The following STK32C variants were observed in gnomAD, a reference collection of about 807,000 sequenced individuals.
STK32C encodes the protein serine/threonine kinase 32C.
Under a neutral mutation model 56.5 loss-of-function variants are expected in STK32C, and 31 were observed. The ratio of observed to expected loss-of-function variants is 0.55; its 90% confidence interval spans 0.41 to 0.74. The LOEUF (loss-of-function observed/expected upper bound fraction) is 0.74. Ranked by LOEUF, STK32C falls within the 30% of genes least tolerant of loss-of-function variation. The pLI, the probability that STK32C is intolerant of heterozygous loss-of-function variation, is 0.00. For missense variants in STK32C, 544 were observed against 676.9 expected, an observed-to-expected ratio of 0.80 and a Z score of 2.18; for synonymous variants, 309 against 289.4, an observed-to-expected ratio of 1.07 and a Z score of -0.69.
intron 10 of STK32C, among the ~76,000 whole-genome samples, chr10:132,221,600 A>T (rs2062655935): frequency 1.4e-5 from 2 of 139,176 alleles, no homozygotes; most frequent in South Asian, 4.6e-4. Flanking sequence ...CACCTGGGTG[A>T]GTGTGAGGGC....
chr10:132,234,715 G>A (rs2063214840), intron 2 of STK32C, among the ~76,000 whole-genome samples: 1 of 152,222 alleles, frequency 6.6e-6, no homozygotes, highest in South Asian at 2.1e-4. Flanking sequence ...ACCTCTTCTT[G>A]CATCTCTGGC....
At chr10:132,257,976 C>T (rs933842410) in intron 1 of STK32C, among the ~76,000 whole-genome samples, 3 of 152,314 alleles carry the variant, frequency 2.0e-5, no homozygotes, top group Non-Finnish European at 4.4e-5. Flanking sequence ...CCTCAGTGCA[C>T]GGACTCCACC....
chr10:132,209,545 A>C (rs1230762916), intron 10 of STK32C, among the ~76,000 whole-genome samples: 1 of 152,208 alleles, frequency 6.6e-6, no homozygotes, highest in East Asian at 1.9e-4. Context: ...TCTTAGAAGC[A>C]GGTCCTCAGG....
Position 132,255,265 on chromosome 10 carries a change from C to G in STK32C, c.263-9310G>C, listed in dbSNP as rs902630. On this transcript the variant is annotated intron_variant, in intron 1 of 11. Coordinates refer to ENST00000298630, the MANE Select transcript of STK32C (RefSeq NM_173575.4). The surrounding 1 kb of genome is among the most constrained non-coding windows in gnomAD (Gnocchi z 4.6). ...CTGGGGATGTCTGGCCCACACGGGGCTCCTGACTTAGGAAATACCGGGCCA... is the reference window on the plus strand; with the variant it reads ...CTGGGGATGTCTGGCCCACACGGGGGTCCTGACTTAGGAAATACCGGGCCA... Among the ~76,000 whole-genome samples the G allele has an allele frequency of 0.24, 37,018 of 151,970 alleles. 5,287 individuals carry two copies. The highest frequency in any genetic ancestry group is 0.33 in the Non-Finnish European group (22,712 of 67,918).
intron 10 of STK32C, among the ~76,000 whole-genome samples, chr10:132,214,992 G>T (rs575119959): frequency 1.3e-5 from 2 of 152,296 alleles, no homozygotes; most frequent in South Asian, 4.1e-4. Context: ...TACAAATAAG[G>T]TAGATATCAT....
At chr10:132,224,211 C>T (rs2062790559) in intron 8 of STK32C, among the ~76,000 whole-genome samples, 196 bp downstream of exon 8, 1 of 152,204 alleles carries the variant, frequency 6.6e-6, no homozygotes, top group Non-Finnish European at 1.5e-5. Context: ...GAGAGGGCCA[C>T]AGAGCCTGCC....
chr10:132,238,036 A>G (rs2063355118), intron 2 of STK32C, among the ~76,000 whole-genome samples: 1 of 151,782 alleles, frequency 6.6e-6, no homozygotes, highest in Non-Finnish European at 1.5e-5. Context: ...ACCCTCCCAG[A>G]GAAAAGGCAG....
chr10:132,283,344 G>A (rs868396124), intron 1 of STK32C, among the ~76,000 whole-genome samples: 11 of 152,258 alleles, frequency 7.2e-5, no homozygotes, highest in Middle Eastern at 3.2e-3. Flanking sequence ...AAATCTGAGC[G>A]GAGCAAACAG....
exon 1 of STK32C, chr10:132,331,689 A>G: frequency 6.2e-7 from 1 of 1,612,776 alleles, no homozygotes; most frequent in Non-Finnish European, 8.5e-7. Flanking sequence ...GTCCTCGAGC[A>G]GCCCCGCCCG....
At chr10:132,208,203 C>T (rs777272089) in intron 11 of STK32C, 52 bp from the exon 12 acceptor site, 1 of 1,293,100 alleles carries the variant, frequency 7.7e-7, no homozygotes, top group Non-Finnish European at 9.9e-7. Flanking sequence ...TCCCTGGCCT[C>T]ACGGTCCCAT....
intron 1 of STK32C, among the ~76,000 whole-genome samples, chr10:132,269,796 A>G (rs534826129): frequency 7.0e-4 from 107 of 152,310 alleles, no homozygotes; most frequent in African/African-American, 2.5e-3. Flanking sequence ...CTCCAGCGGC[A>G]CAGTGGGGGC....
rs968541228 is a variant in STK32C at position 132,255,039 on chromosome 10, G to A, written c.263-9084C>T. Among the ~76,000 whole-genome samples, 3 of 151,820 alleles carry A rather than the reference G, an allele frequency of 2.0e-5. No individual in the cohort carries two copies. The highest frequency in any genetic ancestry group is 2.1e-4 in the South Asian group (1 of 4,726). ...AAGTGTCCTCAGGCAGAACCAGCCC[G>A]TTCACCAATGGGAGGATTGCACAGC... On this transcript the variant is annotated intron_variant, in intron 1 of 11. Coordinates refer to ENST00000298630, the MANE Select transcript of STK32C (RefSeq NM_173575.4). The surrounding 1 kb of genome is among the most constrained non-coding windows in gnomAD (Gnocchi z 4.6).
intron 2 of STK32C, among the ~76,000 whole-genome samples, chr10:132,244,758 C>T (rs927137660): frequency 4.6e-5 from 7 of 152,204 alleles, no homozygotes; most frequent in African/African-American, 9.6e-5. Flanking sequence ...GCCTGCCCCT[C>T]GTGCACCCGC....
At position 132,307,906 on chromosome 10, in the gene STK32C, T is replaced by C; in HGVS notation, c.-73A>G. ...CCGGCAGGGCCGGGAGCGGCAGTGG[T>C]AGCGGGAGCGCTCGGGGCCGGCAGC... On this transcript the variant is annotated 5_prime_UTR_variant, in exon 1 of 12. Transcript: ENST00000298630. The surrounding 1 kb of genome is among the most constrained non-coding windows in gnomAD (Gnocchi z 4.4). 2.7e-6 allele frequency: 3 copies of C among 1,111,112 alleles called. No individual in the cohort carries two copies. The highest frequency in any genetic ancestry group is 3.3e-6 in the Non-Finnish European group (3 of 908,178). The allele number at this position is 1,111,112 out of a possible 1,614,324, so 68.8% of individuals were successfully genotyped here. A position where few individuals can be genotyped will look rare whatever the true frequency, so the allele number is the denominator to read the frequency against.
chr10:132,222,306 G>A (rs1187341583), intron 10 of STK32C, among the ~76,000 whole-genome samples: 16 of 110,710 alleles, frequency 1.4e-4, no homozygotes, highest in Admixed American at 1.1e-3. Flanking sequence ...ACCTGATGCT[G>A]ACGCACCTGG....
At position 132,223,832 on chromosome 10, in the gene STK32C, C is replaced by T. The variant is rs116087279; in HGVS notation, c.993+575G>A. 3.6e-3 allele frequency among the ~76,000 whole-genome samples: 547 copies of T among 152,310 alleles called. 5 individuals are homozygous for T. The highest frequency in any genetic ancestry group is 0.013 in the African/African-American group (526 of 41,564). ...CCCCCTATGGTGTTAATGCGAGGCT[C>T]GGAACAGGGAGCTGTGCAGCCCAGT... On this transcript the variant is annotated intron_variant, in intron 8 of 11. Transcript: ENST00000298630.
downstream of STK32C, among the ~76,000 whole-genome samples, chr10:132,321,657 C>G (rs1298639501): frequency 6.6e-6 from 1 of 152,192 alleles, no homozygotes; most frequent in Non-Finnish European, 1.5e-5. Context: ...TAGTGAAACC[C>G]TGTCTCTACT....
intron 2 of STK32C, among the ~76,000 whole-genome samples, chr10:132,238,719 G>A (rs1300801263): frequency 6.6e-6 from 1 of 152,192 alleles, no homozygotes; most frequent in Admixed American, 6.5e-5. Context: ...AGTCTCTCCA[G>A]GGTCAGCAAG....
chr10:132,288,790 G>C (rs533257298), intron 1 of STK32C, among the ~76,000 whole-genome samples: 1 of 152,314 alleles, frequency 6.6e-6, no homozygotes, highest in South Asian at 2.1e-4. Flanking sequence ...AACCCATGCT[G>C]AGAGAAATTA....
Sources: gnomAD v4.1 joint callset for allele counts (sites outside exome capture counted in the v4.1 genomes callset) on GRCh38, gnomAD v4.1.1 for gene constraint, Gnocchi (gnomAD v3.1) non-coding constraint, MANE v1.5 for transcripts, NCBI Gene and HGNC (gene_info 2026-07-23, HGNC 2026-07-21) for gene names.